The following ADCY3 variants were observed in gnomAD, a reference collection of about 807,000 sequenced individuals.
The protein encoded by ADCY3 is adenylate cyclase 3.
Under a neutral mutation model 119.4 loss-of-function variants are expected in ADCY3, and 70 were observed. That is an observed-to-expected ratio of 0.59 (90% CI 0.48 to 0.72). The LOEUF (loss-of-function observed/expected upper bound fraction) is 0.72, where lower values mean the gene tolerates loss of function less well. ADCY3 is among the 30% of genes least tolerant of loss of function. The pLI, the probability that ADCY3 is intolerant of heterozygous loss-of-function variation, is 0.00. For missense variants in ADCY3, 1,238 were observed against 1,541.6 expected (o/e 0.80, Z 3.30); for synonymous variants, 672 against 621.4 (o/e 1.08, Z -1.21).
chr2:24,891,613 C>T (rs1289574409), intron 2 of ADCY3, among the ~76,000 whole-genome samples: 1 of 152,248 alleles, frequency 6.6e-6, no homozygotes, highest in Non-Finnish European at 1.5e-5. Context: ...AAAGATCATA[C>T]GTTGAGGTGG....
chr2:24,854,569 T>C (rs1224088017), intron 3 of ADCY3, among the ~76,000 whole-genome samples: 9 of 152,214 alleles, frequency 5.9e-5, no homozygotes, highest in African/African-American at 2.2e-4. Context: ...GACAAGTGGC[T>C]CGTGGCTTTT....
chr2:24,838,477 T>C lies in ADCY3; in HGVS notation c.1501A>G (p.Lys501Glu), dbSNP rs1311099941. ...LIIASKPEVKKTATQNGLNGS... is the reference protein window; with the variant it reads ...LIIASKPEVKETATQNGLNGS... ...TTGAGGCCATTCTGGGTGGCTGTTT[T>C]CTTCACCTCTGGCTTGGAGGCAATG... Residue 501 changes from lysine (K) to glutamate (E), a missense_variant, in exon 8 of 22, where the codon AAA becomes GAA. Around this residue, in one of 7 missense-constraint regions of ADCY3, gnomAD observed 283 missense variants for 437.2 expected, o/e 0.65. Coordinates refer to ENST00000679454, the MANE Select transcript of ADCY3 (RefSeq NM_004036.5). 6.2e-7 allele frequency: 1 copy of C among 1,613,796 alleles called. No individual in the cohort carries two copies. The highest frequency in any genetic ancestry group is 2.2e-5 in the East Asian group (1 of 44,886).
intron 7 of ADCY3, 61 bp from the exon 8 acceptor site, chr2:24,838,683 G>A (rs985488158): frequency 1.9e-6 from 3 of 1,605,222 alleles, no homozygotes; most frequent in East Asian, 2.2e-5. Flanking sequence ...ACCCCCAGGG[G>A]ACAGTCCACG....
At chr2:24,830,567 G>A (rs1669347767) in intron 13 of ADCY3, 142 bp downstream of exon 13, 1 of 641,820 alleles carries the variant, frequency 1.6e-6, no homozygotes. Flanking sequence ...AGGTGGGGAT[G>A]ATGTGTTTGG....
chr2:24,899,766 A>ACAATGTATCTGTCC lies in ADCY3; in HGVS notation c.675+18546_675+18547insGGACAGATACATTG, dbSNP rs1275535799. On this transcript the variant is annotated intron_variant, in intron 2 of 21. Coordinates refer to ENST00000679454, the MANE Select transcript of ADCY3 (RefSeq NM_004036.5). This position sits in a 1 kb window ranked among gnomAD's most constrained non-coding sequence, Gnocchi z 4.5. Reference sequence around the variant, plus strand: ...AAGAATGTATCTGTCCTAAATGTGCATAGAGTCACATAAATATGCAATTCA... The same window carrying ACAATGTATCTGTCC: ...AAGAATGTATCTGTCCTAAATGTGCACAATGTATCTGTCCTAGAGTCACATAAATATGCAATTCA... Among the ~76,000 whole-genome samples the ACAATGTATCTGTCC allele has an allele frequency of 3.9e-5, 6 of 152,230 alleles. No homozygotes were observed. The highest frequency in any genetic ancestry group is 1.4e-4 in the African/African-American group (6 of 41,458).
At chr2:24,830,964 G>A in intron 12 of ADCY3, 139 bp from the exon 13 acceptor site, 1 of 664,934 alleles carries the variant, frequency 1.5e-6, no homozygotes, top group Admixed American at 2.5e-5. Context: ...TCACCTGACA[G>A]CTGACCAAGG....
At chr2:24,845,584 A>C (rs1179340794) in intron 3 of ADCY3, among the ~76,000 whole-genome samples, 1 of 152,242 alleles carries the variant, frequency 6.6e-6, no homozygotes, top group Non-Finnish European at 1.5e-5. Context: ...TGTTAATGGC[A>C]ATCAGTTTTA....
intron 2 of ADCY3, among the ~76,000 whole-genome samples, chr2:24,905,580 G>A (rs1385789294): frequency 6.6e-6 from 1 of 152,164 alleles, no homozygotes; most frequent in Non-Finnish European, 1.5e-5. Context: ...TGTCAGGTCC[G>A]CCCCAACCAG....
At chr2:24,821,245 A>T in intron 20 of ADCY3, 2 of 472,548 alleles carry the variant, frequency 4.2e-6, no homozygotes, top group South Asian at 5.8e-5. Flanking sequence ...CTGGAAATGG[A>T]TCACAAACTC....
At chr2:24,839,495 G>T (rs570837824) in intron 7 of ADCY3, among the ~76,000 whole-genome samples, 1 of 152,208 alleles carries the variant, frequency 6.6e-6, no homozygotes, top group African/African-American at 2.4e-5. Context: ...CTGCGAGCCC[G>T]CTAGCTGATG....
intron 2 of ADCY3, among the ~76,000 whole-genome samples, chr2:24,894,831 C>A (rs1480790386): frequency 6.6e-6 from 1 of 151,878 alleles, no homozygotes; most frequent in Non-Finnish European, 1.5e-5. Flanking sequence ...GTTTGTCCAT[C>A]AAAAAGTGTT....
intron 2 of ADCY3, among the ~76,000 whole-genome samples, chr2:24,883,327 GAC>G (rs1223472187): frequency 6.7e-6 from 1 of 149,650 alleles, no homozygotes; most frequent in Non-Finnish European, 1.5e-5. Context: ...CAGCCTGGGC[GAC>G]ACAGAGAGAC....
intron 3 of ADCY3, among the ~76,000 whole-genome samples, chr2:24,867,113 G>GTAAAACTGCTGAGAA (rs1457201207): frequency 1.3e-5 from 2 of 152,168 alleles, no homozygotes; most frequent in African/African-American, 2.4e-5. Flanking sequence ...ACTCCCAGGC[G>GTAAAACTGCTGAGAA]CAGCATCGTA....
In ADCY3 at chr2:24,914,535, C is replaced by T. The variant is rs1042835819; in HGVS notation, c.675+3778G>A. 3.9e-5 allele frequency among the ~76,000 whole-genome samples: 6 copies of T among 152,178 alleles called. 1 individual carries two copies. The South Asian group carries it at 1.0e-3, about 26-fold the overall frequency. The stretch of plus-strand genomic sequence containing the variant: ...TAGAAATACAAAAAAATTAGCCAGA[C>T]GTGGTGGCGGCCACCTGTAATCCCA... On this transcript the variant is annotated intron_variant, in intron 2 of 21. Coordinates refer to ENST00000679454, the MANE Select transcript of ADCY3 (RefSeq NM_004036.5).
intron 19 of ADCY3, chr2:24,821,991 T>C: frequency 3.9e-6 from 1 of 253,550 alleles, no homozygotes; most frequent in East Asian, 9.5e-5. Flanking sequence ...TGGAGGGGGA[T>C]GACCCGCCTT....
At chr2:24,820,661 C>T (rs1219838704) in intron 21 of ADCY3, 63 bp downstream of exon 21, 1 of 1,603,384 alleles carries the variant, frequency 6.2e-7, no homozygotes, top group Non-Finnish European at 8.5e-7. Flanking sequence ...CGTGGGAAAG[C>T]ACTGTTCCGG....
chr2:24,920,207 G>T lies in ADCY3; in HGVS notation c.-722C>A, dbSNP rs1429491923. On this transcript the variant is annotated 5_prime_UTR_variant, in exon 1 of 22. Coordinates refer to ENST00000679454, the MANE Select transcript of ADCY3 (RefSeq NM_004036.5). The surrounding 1 kb of genome is among the most constrained non-coding windows in gnomAD (Gnocchi z 4.5). ...CGTGCTGCACAGCTATTCCCCGCGC[G>T]GCGCCGGCGGCTCCGGGGCCACGCG... 3.4e-5 allele frequency among the ~76,000 whole-genome samples: 5 copies of T among 146,424 alleles called. No homozygotes were observed. The South Asian group carries it at 1.0e-3, about 30-fold the overall frequency.
chr2:24,856,849 T>C (rs942465378), intron 3 of ADCY3, among the ~76,000 whole-genome samples: 1 of 152,340 alleles, frequency 6.6e-6, no homozygotes, highest in South Asian at 2.1e-4. Context: ...TGGGAGAGAC[T>C]GGTCTCCCAG....
Position 24,918,957 on chromosome 2 carries a change from C to T in ADCY3, c.31G>A (p.Glu11Lys), listed in dbSNP as rs1258623865. The change falls in exon 2 of 22, where the codon GAA (glutamate) becomes AAA (lysine). Residue 11 changes from glutamate (E) to lysine (K), a missense_variant. Physicochemically the swap from Glu to Lys is moderately conservative, Grantham distance 56. Transcript: ENST00000679454. The surrounding 1 kb of genome is among the most constrained non-coding windows in gnomAD (Gnocchi z 5.4). MPRNQGFSEP[E>K]YSAEYSAEYS... The stretch of plus-strand genomic sequence containing the variant: ...TCGGCTGAGTACTCGGCCGAGTATT[C>T]GGGCTCGGAGAAGCCCTGGTTCCTC... 6.2e-7 allele frequency: 1 copy of T among 1,601,016 alleles called. No homozygotes were observed. The highest frequency in any genetic ancestry group is 8.5e-7 in the Non-Finnish European group (1 of 1,175,688).
Sources: gnomAD v4.1 joint callset for allele counts (sites outside exome capture counted in the v4.1 genomes callset) on GRCh38, gnomAD v4.1.1 for gene constraint, gnomAD v4.1.1 regional missense constraint, Gnocchi (gnomAD v3.1) non-coding constraint, MANE v1.5 for transcripts, NCBI Gene and HGNC (gene_info 2026-07-23, HGNC 2026-07-21) for gene names.